The following LARP4B variants were observed in gnomAD, a reference collection of about 807,000 sequenced individuals.
LARP4B encodes the protein La ribonucleoprotein 4B.
In LARP4B, 12 loss-of-function variants were observed where a neutral mutation model predicts 89.8. The observed-to-expected ratio is 0.13, with a 90% CI of 0.09 to 0.22. The LOEUF (loss-of-function observed/expected upper bound fraction) is 0.22. Among genes scored for constraint, LARP4B ranks in the 10% least tolerant of loss-of-function variants. The pLI, the probability that LARP4B is intolerant of heterozygous loss-of-function variation, is 1.00. For missense variants in LARP4B, 757 were observed against 947.7 expected (o/e 0.80, Z 2.64); for synonymous variants, 367 against 363.3 (o/e 1.01, Z -0.12).
At chr10:900,970 A>C (rs1232599930) in intron 1 of LARP4B, among the ~76,000 whole-genome samples, 7 of 137,388 alleles carry the variant, frequency 5.1e-5, no homozygotes, top group Non-Finnish European at 1.1e-4. Context: ...CCCAGGCTGG[A>C]GTGCAATGGC....
the LARP4B span, among the ~76,000 whole-genome samples, chr10:968,850 T>G: frequency 1.3e-5 from 2 of 152,228 alleles, no homozygotes; most frequent in Non-Finnish European, 1.5e-5. Context: ...AGAAAGAGAA[T>G]AGGCAGTTCT....
chr10:839,715 C>T (rs113678182), intron 7 of LARP4B, among the ~76,000 whole-genome samples: 7 of 152,326 alleles, frequency 4.6e-5, no homozygotes, highest in African/African-American at 1.7e-4. Context: ...TAAAATGGTC[C>T]AACCACTTTG....
intron 1 of LARP4B, among the ~76,000 whole-genome samples, chr10:926,056 A>T (rs925764519): frequency 2.0e-5 from 3 of 152,246 alleles, no homozygotes; most frequent in Non-Finnish European, 4.4e-5. Flanking sequence ...TACAATCAGC[A>T]AACAATTTCT....
chr10:864,680 G>A (rs1015042981), intron 3 of LARP4B, among the ~76,000 whole-genome samples: 10 of 152,222 alleles, frequency 6.6e-5, no homozygotes, highest in South Asian at 2.1e-4. Flanking sequence ...TCAGCAGGGC[G>A]CGGCGGCTCA....
the LARP4B span, chr10:988,336 G>A: frequency 4.8e-5 from 33 of 684,424 alleles, no homozygotes; most frequent in South Asian, 5.2e-4. Context: ...GTGCGACGCG[G>A]AAAGCGCCGT....
rs1021233879 is a variant in LARP4B, at chr10:811,266, T to C, written c.*1660A>G. 3.3e-5 allele frequency: 5 copies of C among 152,686 alleles called. No individual in the cohort carries two copies. Among genetic ancestry groups the C allele is most frequent in the African/African-American group, 1.2e-4 (5 of 41,468 alleles). 9.5% of individuals were successfully genotyped at this position (152,686 alleles called of 1,614,324 possible). On this transcript the variant is annotated 3_prime_UTR_variant, in exon 18 of 18. Transcript: ENST00000316157. ...ACATCCCGCTCAACAGCAACATTTA[T>C]AATATATCAATAATCTGTATCAGAA... is the stretch of plus-strand genomic sequence containing the variant.
At chr10:906,974 C>T (rs532955433) in intron 1 of LARP4B, among the ~76,000 whole-genome samples, 1 of 152,228 alleles carries the variant, frequency 6.6e-6, no homozygotes, top group Non-Finnish European at 1.5e-5. Flanking sequence ...AAGCGAGGGA[C>T]TCGCAACTGA....
chr10:821,658 G>A (rs1832358266), intron 13 of LARP4B, among the ~76,000 whole-genome samples: 1 of 152,218 alleles, frequency 6.6e-6, no homozygotes, highest in African/African-American at 2.4e-5. Context: ...AACCTGGAAA[G>A]GAGTTAAGAA....
At chr10:940,383 A>G in the LARP4B span, among the ~76,000 whole-genome samples, 2 of 152,064 alleles carry the variant, frequency 1.3e-5, no homozygotes, top group African/African-American at 4.8e-5. Flanking sequence ...CAAACTCCTG[A>G]CCTCAAGTGA....
Position 864,105 on chromosome 10 carries a change from C to A in LARP4B, c.289+18G>T. 6.2e-7 allele frequency: 1 copy of A among 1,613,948 alleles called. No individual in the cohort carries two copies. Among genetic ancestry groups the A allele is most frequent in the East Asian group, 2.2e-5 (1 of 44,878 alleles). ...CCTGAAAGCAGGGGGCTGCACACCA[C>A]GGCCATGCTCAACTTACCCTGCGGG... On this transcript the variant is annotated intron_variant, in intron 4 of 17. Transcript: ENST00000316157.
At chr10:940,842 T>G in the LARP4B span, among the ~76,000 whole-genome samples, 1 of 152,182 alleles carries the variant, frequency 6.6e-6, no homozygotes, top group Non-Finnish European at 1.5e-5. Flanking sequence ...ACATAGAAAT[T>G]ACTGTATGCA....
chr10:886,686 A>G (rs1835867731), intron 1 of LARP4B, among the ~76,000 whole-genome samples: 1 of 152,230 alleles, frequency 6.6e-6, no homozygotes, highest in Non-Finnish European at 1.5e-5. Context: ...AACCTGAAGG[A>G]TATTATGCCA....
At chr10:903,810 G>A (rs1836409449) in intron 1 of LARP4B, among the ~76,000 whole-genome samples, 1 of 152,218 alleles carries the variant, frequency 6.6e-6, no homozygotes, top group Non-Finnish European at 1.5e-5. Context: ...CAAAGAGTAA[G>A]ATGGGGAAGT....
In LARP4B at chr10:884,457, G is replaced by C. The variant is rs1835790734; in HGVS notation, c.131C>G (p.Pro44Arg). ...TCAAAATTGAATTACCTGACTCAAA[G>C]GTGGGATGGAACTTGTCTGAGAAGT... ...QTTSQTSSIP[P>R]LSQVPATKVS... The change falls in exon 3 of 18, where the codon CCT becomes CGT. Residue 44 changes from proline (P) to arginine (R), a missense_variant. Pro to Arg is a moderately radical substitution (Grantham distance 103). This residue lies in a region of LARP4B where 175 missense variants were observed against 187.0 expected (regional missense o/e 0.94). Coordinates refer to ENST00000316157, the MANE Select transcript of LARP4B (RefSeq NM_015155.3). 6.2e-7 allele frequency: 1 copy of C among 1,603,650 alleles called. No individual in the cohort carries two copies. The highest frequency in any genetic ancestry group is 1.3e-5 in the African/African-American group (1 of 74,648).
the LARP4B span, among the ~76,000 whole-genome samples, chr10:951,392 A>G: frequency 6.6e-6 from 1 of 152,092 alleles, no homozygotes; most frequent in Admixed American, 6.6e-5. Context: ...CTACTAAAAT[A>G]CAAAACTTAG....
intron 5 of LARP4B, among the ~76,000 whole-genome samples, chr10:860,625 A>G (rs552826520): frequency 4.6e-5 from 7 of 152,362 alleles, no homozygotes; most frequent in Admixed American, 1.3e-4. Context: ...TGATCTATCC[A>G]TATCATGAAT....
At chr10:888,990 TAGG>T (rs1469546299) in intron 1 of LARP4B, among the ~76,000 whole-genome samples, 3 of 151,886 alleles carry the variant, frequency 2.0e-5, no homozygotes, top group Non-Finnish European at 4.4e-5. Flanking sequence ...GAGGCTGGGA[TAGG>T]AGGACCACCT....
At chr10:969,765 G>T in the LARP4B span, among the ~76,000 whole-genome samples, 1 of 152,152 alleles carries the variant, frequency 6.6e-6, no homozygotes, top group East Asian at 1.9e-4. Flanking sequence ...AAAAAGAACT[G>T]CTCTGGGAAG....
chr10:815,810 G>A (rs915668359), intron 15 of LARP4B: 1 of 152,234 alleles, frequency 6.6e-6, no homozygotes, highest in Non-Finnish European at 1.5e-5. Context: ...GAAGGCTGAC[G>A]ACAGACCTAG....
Sources: gnomAD v4.1 joint callset for allele counts (sites outside exome capture counted in the v4.1 genomes callset) on GRCh38, gnomAD v4.1.1 for gene constraint, gnomAD v4.1.1 regional missense constraint, MANE v1.5 for transcripts, NCBI Gene and HGNC (gene_info 2026-07-23, HGNC 2026-07-21) for gene names.